Variants in CCDC171 observed in about 807,000 individuals in gnomAD.
CCDC171 encodes the protein coiled-coil domain containing 171.
In CCDC171, 177 loss-of-function variants were observed where a neutral mutation model predicts 168.2. That is an observed-to-expected ratio of 1.05 (90% CI 0.93 to 1.19). The LOEUF is 1.19. CCDC171 is among the 50% of genes most tolerant of loss of function. The probability of loss-of-function intolerance (pLI) is 0.00; values close to 1 mark genes in which losing one functional copy is unlikely to be tolerated. For synonymous variants in CCDC171, 687 were observed against 540.8 expected (o/e 1.27, Z -3.75); for missense variants, 1,991 against 1,539.0 (o/e 1.29, Z -4.91).
intron 7 of CCDC171, among the ~76,000 whole-genome samples, chr9:15,653,687 C>T (rs944597916): frequency 3.3e-5 from 5 of 152,176 alleles, no homozygotes; most frequent in Admixed American, 6.5e-5. Flanking sequence ...TATTTTAAAC[C>T]ATATCTAGAC....
intron 25 of CCDC171, among the ~76,000 whole-genome samples, chr9:15,939,743 A>G (rs1174063642): frequency 6.6e-6 from 1 of 151,916 alleles, no homozygotes; most frequent in Non-Finnish European, 1.5e-5. Flanking sequence ...ATTTCATGTA[A>G]TAAATGCATT....
At chr9:15,775,007 A>C (rs748616533) in intron 18 of CCDC171, among the ~76,000 whole-genome samples, 6 of 152,190 alleles carry the variant, frequency 3.9e-5, no homozygotes, top group African/African-American at 1.4e-4. Context: ...TGCAGTGTAC[A>C]CTGCTTGGGT....
rs186482044 is a variant in CCDC171, at chr9:15,820,482, G to A, written c.3268-26220G>A. 2.8e-3 allele frequency among the ~76,000 whole-genome samples: 322 copies of A among 116,178 alleles called. 90 individuals carry two copies. Among genetic ancestry groups the A allele is most frequent in the African/African-American group, 6.4e-3 (197 of 30,740 alleles). The allele number at this position is 116,178 out of a possible 152,430, so 76.2% of individuals were successfully genotyped here. On this transcript the variant is annotated intron_variant, in intron 21 of 25. Coordinates refer to ENST00000380701, the MANE Select transcript of CCDC171 (RefSeq NM_173550.4). The stretch of plus-strand genomic sequence containing the variant: ...GAAAAGAGAGAAGAATCAAATAGAT[G>A]CAATAAAAAATGATAAAGGGGATAT...
intron 9 of CCDC171, among the ~76,000 whole-genome samples, chr9:15,677,739 T>C (rs1360827111): frequency 6.7e-6 from 1 of 148,792 alleles, no homozygotes; most frequent in Non-Finnish European, 1.5e-5. Flanking sequence ...CTCCCATATA[T>C]ATGTGGTGTG....
rs935424914 is a variant in CCDC171 at position 15,974,033 on chromosome 9, C to A, written c.*2197C>A. The A allele has an allele frequency of 6.6e-6, 1 of 151,910 alleles. No homozygotes were observed. The highest frequency in any genetic ancestry group is 2.4e-5 in the African/African-American group (1 of 41,350). The allele number at this position is 151,910 out of a possible 1,614,324, so 9.4% of individuals were successfully genotyped here. ...TCCAAAAATAAATGTGTATGTGTCTCCATATATATGGGTATCTAACTTTAC... is the reference window on the plus strand; with the variant it reads ...TCCAAAAATAAATGTGTATGTGTCTACATATATATGGGTATCTAACTTTAC... On this transcript the variant is annotated 3_prime_UTR_variant, in exon 26 of 26. Transcript: ENST00000380701.
chr9:15,728,523 C>G lies in CCDC171; in HGVS notation c.1860+487C>G, dbSNP rs1414821523. Among the ~76,000 whole-genome samples, 3 of 152,058 alleles carry G rather than the reference C, an allele frequency of 2.0e-5. No homozygotes were observed. The South Asian group carries it at 6.2e-4, about 32-fold the overall frequency. On this transcript the variant is annotated intron_variant, in intron 15 of 25. Transcript: ENST00000380701. ...TGCTTATGATTTGCTTCTCGAAATA[C>G]AACAAAATGTATATTAGAAAACTCA... is the stretch of plus-strand genomic sequence containing the variant.
chr9:15,828,514 A>G (rs79707996), intron 21 of CCDC171, among the ~76,000 whole-genome samples: 9,556 of 152,258 alleles, frequency 0.063, 440 homozygotes, highest in South Asian at 0.18. Context: ...TTAGAAGAAG[A>G]TAGCTTTCAA....
Position 15,744,291 on chromosome 9 carries a change from GA to G in CCDC171, c.2075del (p.Asn692ThrfsTer5), listed in dbSNP as rs1463058740. The G allele has an allele frequency of 3.8e-6, 6 of 1,581,474 alleles. No homozygotes were observed. Among genetic ancestry groups the G allele is most frequent in the Non-Finnish European group, 5.1e-6 (6 of 1,166,468 alleles). ...KRAQKFQEIA[E>X]KNMEKLNHIE... The stretch of plus-strand genomic sequence containing the variant: ...TCCATAGAAATTTCAAGAAATTGCT[GA>G]AAAAAACATGGAAAAATTGAACCAT... On this transcript the variant is annotated frameshift_variant, in exon 17 of 26. Transcript: ENST00000380701. LOFTEE classifies it high-confidence loss of function.
At chr9:16,095,187 A>T in the CCDC171 span, among the ~76,000 whole-genome samples, 3 of 152,160 alleles carry the variant, frequency 2.0e-5, no homozygotes, top group African/African-American at 4.8e-5. Context: ...CTAATATAGC[A>T]TGGGATCCCA....
chr9:16,075,384 T>A, the CCDC171 span, among the ~76,000 whole-genome samples: 1 of 152,336 alleles, frequency 6.6e-6, no homozygotes, highest in South Asian at 2.1e-4. Context: ...ACATAATCGC[T>A]TGTCTCTCTG....
chr9:15,909,641 G>T (rs1823319310), intron 24 of CCDC171, among the ~76,000 whole-genome samples: 1 of 152,080 alleles, frequency 6.6e-6, no homozygotes, highest in Non-Finnish European at 1.5e-5. Flanking sequence ...ATTAGTAATA[G>T]GCCGTCTGTA....
intron 11 of CCDC171, among the ~76,000 whole-genome samples, chr9:15,698,520 CA>C (rs35301658): frequency 0.82 from 88,106 of 106,952 alleles, 36,139 homozygotes; most frequent in South Asian, 0.89. Context: ...GACCCCGTCT[CA>C]AAAAAAAAAA....
rs566113250 is a variant in CCDC171 at position 15,633,788 on chromosome 9, T to G, written c.822+10375T>G. ...TGGAACCAACCCAAATGTCCAACAA[T>G]GATAGACTGGATTAAGAAAATGTGG... On this transcript the variant is annotated intron_variant, in intron 7 of 25. Coordinates refer to ENST00000380701, the MANE Select transcript of CCDC171 (RefSeq NM_173550.4). Among the ~76,000 whole-genome samples the G allele has an allele frequency of 2.0e-4, 30 of 152,280 alleles. No individual in the cohort carries two copies. The South Asian group carries it at 2.7e-3, about 14-fold the overall frequency.
chr9:15,913,837 C>G (rs984434454), intron 24 of CCDC171, among the ~76,000 whole-genome samples: 1 of 152,054 alleles, frequency 6.6e-6, no homozygotes, highest in Admixed American at 6.6e-5. Flanking sequence ...CATGCTTGTT[C>G]TTTTTGTTGA....
intron 21 of CCDC171, among the ~76,000 whole-genome samples, chr9:15,836,355 T>G (rs1167649571): frequency 6.6e-6 from 1 of 152,100 alleles, no homozygotes; most frequent in Non-Finnish European, 1.5e-5. Context: ...TTGTTTTATT[T>G]TATTTATTTA....
intron 1 of CCDC171, among the ~76,000 whole-genome samples, chr9:16,052,447 C>G (rs751309932): frequency 1.3e-5 from 2 of 152,150 alleles, no homozygotes; most frequent in African/African-American, 2.4e-5. Context: ...TACACATGTG[C>G]GGCCTCCTTT....
intron 7 of CCDC171, among the ~76,000 whole-genome samples, chr9:15,647,411 G>A (rs2047134246): frequency 6.6e-6 from 1 of 152,028 alleles, no homozygotes; most frequent in Non-Finnish European, 1.5e-5. Flanking sequence ...CAGAACTGAA[G>A]GAGATAGAGA....
chr9:16,094,316 AT>A, the CCDC171 span, among the ~76,000 whole-genome samples: 2 of 152,242 alleles, frequency 1.3e-5, no homozygotes, highest in Non-Finnish European at 1.5e-5. Flanking sequence ...GTGAAGATGA[AT>A]AAAGAGTGGT....
At chr9:15,676,614 T>C (rs752903227) in intron 9 of CCDC171, among the ~76,000 whole-genome samples, 1 of 152,186 alleles carries the variant, frequency 6.6e-6, no homozygotes, top group Non-Finnish European at 1.5e-5. Context: ...GAATTCCCTC[T>C]AATTCTCTTG....
Sources: allele counts gnomAD v4.1 joint callset (sites outside exome capture counted in the v4.1 genomes callset), GRCh38; gene constraint gnomAD v4.1.1; transcripts MANE v1.5; gene names NCBI Gene and HGNC (gene_info 2026-07-23, HGNC 2026-07-21).